The following SELENOT variants were observed in gnomAD, a reference collection of about 807,000 sequenced individuals.
SELENOT encodes selenoprotein T, also known as thioredoxin reductase-like selenoprotein T.
Under a neutral mutation model 24.3 loss-of-function variants are expected in SELENOT, and 9 were observed. That is an observed-to-expected ratio of 0.37 (90% CI 0.22 to 0.65). The LOEUF (loss-of-function observed/expected upper bound fraction) is 0.65. Among genes scored for constraint, SELENOT ranks in the 30% least tolerant of loss-of-function variants. The probability of loss-of-function intolerance (pLI) is 0.60; values close to 1 mark genes in which losing one functional copy is unlikely to be tolerated. For missense variants in SELENOT, 166 were observed against 247.6 expected, an observed-to-expected ratio of 0.67 and a Z score of 2.21; for synonymous variants, 81 against 86.0, an observed-to-expected ratio of 0.94 and a Z score of 0.32.
intron 1 of SELENOT, among the ~76,000 whole-genome samples, chr3:150,611,004 CGTGTGTGT>C (rs113532087): frequency 9.0e-4 from 131 of 145,508 alleles, no homozygotes; most frequent in African/African-American, 1.8e-3. Flanking sequence ...CATCATGAGT[CGTGTGTGT>C]GTGTGTGTGT....
chr3:150,625,867 T>C (rs892436457), intron 4 of SELENOT, among the ~76,000 whole-genome samples: 13 of 142,654 alleles, frequency 9.1e-5, no homozygotes, highest in African/African-American at 2.5e-5. Context: ...TTCTAAACAA[T>C]AACTTTTTTT....
intron 3 of SELENOT, among the ~76,000 whole-genome samples, 158 bp downstream of exon 3, chr3:150,623,327 C>T (rs921422560): frequency 2.6e-5 from 4 of 152,042 alleles, no homozygotes; most frequent in Non-Finnish European, 5.9e-5. Flanking sequence ...CACTTAGCCT[C>T]CCTTCACCTT....
chr3:150,613,801 T>C (rs6781861), intron 1 of SELENOT, among the ~76,000 whole-genome samples: 34,086 of 151,406 alleles, frequency 0.23, 4,213 homozygotes, highest in East Asian at 0.47. Flanking sequence ...GTTGGCCACT[T>C]GATTGATTCA....
At chr3:150,626,881 C>G (rs1426588984) in intron 4 of SELENOT, 129 bp from the exon 5 acceptor site, 1 of 808,878 alleles carries the variant, frequency 1.2e-6, no homozygotes, top group East Asian at 2.7e-5. Context: ...TCCCTGAGAG[C>G]AAGCAGTGTA....
intron 1 of SELENOT, among the ~76,000 whole-genome samples, chr3:150,606,780 A>C (rs1184001175): frequency 6.6e-6 from 1 of 152,072 alleles, no homozygotes; most frequent in Admixed American, 6.6e-5. Context: ...TTTAGTAGAG[A>C]CGGGGTTTCA....
In SELENOT at chr3:150,630,009, T is replaced by TA. The variant is rs1282048825; in HGVS notation, c.*2381dup. The TA allele has an allele frequency of 1.3e-5, 2 of 152,620 alleles. No individual in the cohort carries two copies. Among genetic ancestry groups the TA allele is most frequent in the Non-Finnish European group, 2.9e-5 (2 of 68,038 alleles). 9.5% of individuals were successfully genotyped at this position (152,620 alleles called of 1,614,324 possible). A position where few individuals can be genotyped will look rare whatever the true frequency, so the allele number is the denominator to read the frequency against. ...CCACAGTTGCCATTGTGGAAGAAATTATTTGGTACATTAATAAAAAAAGTT... is the reference window on the plus strand; with the variant it reads ...CCACAGTTGCCATTGTGGAAGAAATTAATTTGGTACATTAATAAAAAAAGTT... On this transcript the variant is annotated 3_prime_UTR_variant, in exon 6 of 6. Transcript: ENST00000471696.
rs1367002030 is a variant in SELENOT, at chr3:150,623,143, A to G, written c.349A>G (p.Ile117Val). ...TTTCTTTGGCATGCAAGCTCCTAGC[A>G]TCTGGCAGTGGGGCCAAGAAAATAA... ...FAFFGMQAPS[I>V]WQWGQENKVY... is the part of the protein sequence containing the mutation. Residue 117 changes from isoleucine to valine, a missense_variant, in exon 3 of 6, where the codon ATC (isoleucine) becomes GTC (valine). Around this residue, in one of 5 missense-constraint regions of SELENOT, gnomAD observed 71 missense variants for 89.2 expected, o/e 0.80. Coordinates refer to ENST00000471696, the MANE Select transcript of SELENOT (RefSeq NM_016275.5). The G allele has an allele frequency of 6.2e-7, 1 of 1,604,882 alleles. No homozygotes were observed. The highest frequency in any genetic ancestry group is 1.1e-5 in the South Asian group (1 of 89,328).
Position 150,627,076 on chromosome 3 carries a change from T to G in SELENOT, c.530T>G (p.Leu177Arg), listed in dbSNP as rs1726460114. Residue 177 changes from leucine to arginine, a missense_variant, in exon 5 of 6, where the codon CTT becomes CGT. Transcript: ENST00000471696. Reference protein sequence around the residue: ...LPSMQQLVQILDNEMKLNVHM... With the variant: ...LPSMQQLVQIRDNEMKLNVHM... ...TCCATGCAACAACTTGTTCAAATTC[T>G]TGACAATGAAATGAAGCTCAATGTG... The G allele has an allele frequency of 6.2e-7, 1 of 1,613,754 alleles. No homozygotes were observed. Among genetic ancestry groups the G allele is most frequent in the South Asian group, 1.1e-5 (1 of 91,074 alleles).
At position 150,624,874 on chromosome 3, in the gene SELENOT, A is replaced by T. The variant is rs1283892520; in HGVS notation, c.438A>T (p.Thr146=). 1 of 1,561,078 alleles carries T rather than the reference A, an allele frequency of 6.4e-7. No homozygotes were observed. Among genetic ancestry groups the T allele is most frequent in the Non-Finnish European group, 8.7e-7 (1 of 1,150,788 alleles). ...TGATTGAGAACCAGTGTATGTCAACAGGTGCATTTGAGATAACTTTAAATG... is the reference window on the plus strand; with the variant it reads ...TGATTGAGAACCAGTGTATGTCAACTGGTGCATTTGAGATAACTTTAAATG... ...SNMIENQCMS[T]GAFEITLNDV... The change falls in exon 4 of 6, where the codon ACA becomes ACT. Residue 146 remains threonine, a synonymous_variant. Transcript: ENST00000471696.
At chr3:150,620,763 A>G (rs1365194114) in intron 1 of SELENOT, among the ~76,000 whole-genome samples, 2 of 152,228 alleles carry the variant, frequency 1.3e-5, no homozygotes, top group African/African-American at 2.4e-5. Context: ...AAACTTGGGC[A>G]TTGATATCAG....
Position 150,622,465 on chromosome 3 carries a change from G to T in SELENOT, c.218G>T (p.Gly73Val). 6.7e-7 allele frequency: 1 copy of T among 1,500,896 alleles called. No homozygotes were observed. The highest frequency in any genetic ancestry group is 1.3e-5 in the South Asian group (1 of 77,932). 93.0% of individuals were successfully genotyped at this position (1,500,896 alleles called of 1,614,324 possible). A position where few individuals can be genotyped will look rare whatever the true frequency, so the allele number is the denominator to read the frequency against. ...CGGTACCCAGACATCCGCATTGAAG[G>T]AGAGAATTACCTCCCTCAACCAATA... Reference protein sequence around the residue: ...SQRYPDIRIEGENYLPQPIYR... With the variant: ...SQRYPDIRIEVENYLPQPIYR... The change falls in exon 2 of 6, where the codon GGA (glycine) becomes GTA (valine). Residue 73 changes from glycine to valine, a missense_variant. Transcript: ENST00000471696.
At chr3:150,622,959 T>C in intron 2 of SELENOT, 84 bp from the exon 3 acceptor site, 1 of 1,258,892 alleles carries the variant, frequency 7.9e-7, no homozygotes. Context: ...GTCTAGAAAA[T>C]CTTTACATAC....
intron 1 of SELENOT, among the ~76,000 whole-genome samples, chr3:150,606,550 C>T (rs1280702085): frequency 7.0e-6 from 1 of 142,684 alleles, no homozygotes; most frequent in Non-Finnish European, 1.5e-5. Context: ...CTTATTTGGA[C>T]GTTTAACACT....
At chr3:150,626,751 C>T (rs1046956630) in intron 4 of SELENOT, among the ~76,000 whole-genome samples, 3 of 152,136 alleles carry the variant, frequency 2.0e-5, no homozygotes, top group Admixed American at 6.6e-5. Flanking sequence ...ACAGGGAGAG[C>T]CTTGTGTATA....
chr3:150,611,640 A>G, intron 1 of SELENOT: 6 of 1,580,226 alleles, frequency 3.8e-6, no homozygotes, highest in Admixed American at 3.3e-5. Context: ...CTTCTGGGAT[A>G]TGCTCTTCTG....
chr3:150,606,128 T>C (rs13100632), intron 1 of SELENOT, among the ~76,000 whole-genome samples: 2,586 of 150,920 alleles, frequency 0.017, 34 homozygotes, highest in Non-Finnish European at 0.028. Flanking sequence ...TATTCTCGTT[T>C]TTTTTTTTCC....
Position 150,629,600 on chromosome 3 carries a change from A to T in SELENOT, c.*1971A>T, listed in dbSNP as rs566738366. 6.5e-6 allele frequency: 1 copy of T among 152,746 alleles called. No homozygotes were observed. Among genetic ancestry groups the T allele is most frequent in the South Asian group, 2.1e-4 (1 of 4,824 alleles). The allele number at this position is 152,746 out of a possible 1,614,324, so 9.5% of individuals were successfully genotyped here. A position where few individuals can be genotyped will look rare whatever the true frequency, so the allele number is the denominator to read the frequency against. On this transcript the variant is annotated 3_prime_UTR_variant, in exon 6 of 6. Transcript: ENST00000471696. ...CAGTTAAAAATATAAAGAACCTAGG[A>T]TTCAATTCCAACTTTCTCTGTTTGC... is the stretch of plus-strand genomic sequence containing the variant.
chr3:150,612,761 C>G (rs1726125268), intron 1 of SELENOT, among the ~76,000 whole-genome samples: 1 of 152,150 alleles, frequency 6.6e-6, no homozygotes. Context: ...TCTTATTTTG[C>G]CCATAGTTAA....
rs373292114 is a variant in SELENOT at position 150,603,329 on chromosome 3, T to C, written c.-34T>C. 1.7e-5 allele frequency: 27 copies of C among 1,602,682 alleles called. No homozygotes were observed. Among genetic ancestry groups the C allele is most frequent in the South Asian group, 2.2e-5 (2 of 90,232 alleles). On this transcript the variant is annotated 5_prime_UTR_variant, in exon 1 of 6. Coordinates refer to ENST00000471696, the MANE Select transcript of SELENOT (RefSeq NM_016275.5). The stretch of plus-strand genomic sequence containing the variant: ...TGGGCTTTGGGCTGGCTGCAGTCTG[T>C]CTGAGGGCGGCCGAAGTGGCTGGCT...
Sources: allele counts gnomAD v4.1 joint callset (sites outside exome capture counted in the v4.1 genomes callset), GRCh38; gene constraint gnomAD v4.1.1; regional missense constraint gnomAD v4.1.1; transcripts MANE v1.5; gene names NCBI Gene and HGNC (gene_info 2026-07-23, HGNC 2026-07-21).